WSCD1: variants seen among roughly 807,000 people sequenced by gnomAD.
WSCD1 encodes WSC domain sialate O sulfotransferase 1.
Under a neutral mutation model 60.4 loss-of-function variants are expected in WSCD1, and 41 were observed. That is an observed-to-expected ratio of 0.68 (90% CI 0.53 to 0.88). WSCD1 has a LOEUF of 0.88. Among genes scored for constraint, WSCD1 ranks in the 40% least tolerant of loss-of-function variants. WSCD1 has a pLI of 0.00. For synonymous variants in WSCD1, 361 were observed against 332.5 expected (o/e 1.09, Z -0.93); for missense variants, 784 against 796.2 (o/e 0.98, Z 0.18).
At chr17:6,093,694 G>A (rs893958394) in intron 4 of WSCD1, among the ~76,000 whole-genome samples, 2 of 152,196 alleles carry the variant, frequency 1.3e-5, no homozygotes, top group African/African-American at 4.8e-5. Context: ...ACACGGTGGT[G>A]GGGAGACATG....
chr17:6,090,330 C>T lies in WSCD1; in HGVS notation c.552C>T (p.Val184=), dbSNP rs1597357330. The change falls in exon 4 of 9, where the codon GTC becomes GTT. Residue 184 remains valine (V), a synonymous_variant. Coordinates refer to ENST00000317744, the MANE Select transcript of WSCD1 (RefSeq NM_015253.2). ...GGCCTCCTCCCTGCAGGTCCTATGT[C>T]TACGCCGGCTTGGAGGCCGGGGCGG... ...CQDACAERSY[V]YAGLEAGAEC... The T allele has an allele frequency of 1.9e-5, 31 of 1,601,950 alleles. No individual in the cohort carries two copies. The highest frequency in any genetic ancestry group is 2.6e-5 in the Non-Finnish European group (31 of 1,174,954).
intron 7 of WSCD1, among the ~76,000 whole-genome samples, chr17:6,115,372 A>T (rs896773555): frequency 2.0e-5 from 3 of 152,218 alleles, no homozygotes; most frequent in African/African-American, 7.2e-5. Context: ...AAAATGTAAT[A>T]AAAAATGTCC....
chr17:6,123,180 A>C lies in WSCD1; in HGVS notation c.*2519A>C, dbSNP rs2150576466. 6.6e-6 allele frequency: 1 copy of C among 152,348 alleles called. No homozygotes were observed. Among genetic ancestry groups the C allele is most frequent in the East Asian group, 1.9e-4 (1 of 5,172 alleles). The allele number at this position is 152,348 out of a possible 1,614,324, so 9.4% of individuals were successfully genotyped here. ...AAAGCTGATCTGTATGTAGGGCAGAAGTGTGGCAAATGCATCAGGAACCGG... is the reference window on the plus strand; with the variant it reads ...AAAGCTGATCTGTATGTAGGGCAGACGTGTGGCAAATGCATCAGGAACCGG... On this transcript the variant is annotated 3_prime_UTR_variant, in exon 9 of 9. Coordinates refer to ENST00000317744, the MANE Select transcript of WSCD1 (RefSeq NM_015253.2).
chr17:6,087,738 C>CTCCT, intron 2 of WSCD1, among the ~76,000 whole-genome samples: 1 of 152,334 alleles, frequency 6.6e-6, no homozygotes, highest in Non-Finnish European at 1.5e-5. Flanking sequence ...CGACGCCTGG[C>CTCCT]TCCTGGCAGA....
intron 6 of WSCD1, 35 bp downstream of exon 6, chr17:6,109,801 G>C (rs149134500): frequency 1.0e-4 from 161 of 1,597,192 alleles, no homozygotes; most frequent in Non-Finnish European, 1.2e-4. Flanking sequence ...AGTGGCATTT[G>C]GTCTGGGGGG....
intron 5 of WSCD1, among the ~76,000 whole-genome samples, chr17:6,103,055 G>A (rs556150738): frequency 2.0e-4 from 30 of 152,246 alleles, no homozygotes; most frequent in African/African-American, 6.3e-4. Flanking sequence ...CTTTAGAGTC[G>A]TGGTAACCTG....
chr17:6,120,389 CTGG>C lies in WSCD1; in HGVS notation c.1462_1464del (p.Val488del). The C allele has an allele frequency of 2.5e-6, 4 of 1,614,054 alleles. No homozygotes were observed. The highest frequency in any genetic ancestry group is 3.4e-6 in the Non-Finnish European group (4 of 1,180,014). ...CTGGCTCAAGTACGGGAAGCGGCTG[CTGG>C]TGGTGCACTACGAGGAGCTGCGGCG... On this transcript the variant is annotated inframe_deletion, in exon 9 of 9. Transcript: ENST00000317744.
chr17:6,118,336 AC>A lies in WSCD1; in HGVS notation c.1375+149del, dbSNP rs1904433539. 1.2e-6 allele frequency: 1 copy of A among 861,250 alleles called. No homozygotes were observed. 53.4% of individuals were successfully genotyped at this position (861,250 alleles called of 1,614,324 possible). A position where few individuals can be genotyped will look rare whatever the true frequency, so the allele number is the denominator to read the frequency against. On this transcript the variant is annotated intron_variant, in intron 8 of 8. Coordinates refer to ENST00000317744, the MANE Select transcript of WSCD1 (RefSeq NM_015253.2). This position sits in a 1 kb window ranked among gnomAD's most constrained non-coding sequence, Gnocchi z 5.8. ...GCACTCAAACCCCATCCTGCTAGGG[AC>A]TTAGTGCTGCTGTGCCTGGGCTTGA...
At chr17:6,071,746 G>A (rs2150523328) in intron 1 of WSCD1, among the ~76,000 whole-genome samples, 1 of 152,346 alleles carries the variant, frequency 6.6e-6, no homozygotes, top group South Asian at 2.1e-4. Flanking sequence ...GCCCTGCGCT[G>A]TTTGCAATCA....
chr17:6,109,792 G>A (rs747505131), intron 6 of WSCD1, 26 bp downstream of exon 6: 4 of 1,601,868 alleles, frequency 2.5e-6, no homozygotes, highest in Non-Finnish European at 3.4e-6. Flanking sequence ...CCGACTGGTA[G>A]TGGCATTTGG....
In WSCD1 at chr17:6,120,737, C is replaced by G; in HGVS notation, c.*76C>G. The G allele has an allele frequency of 1.4e-6, 2 of 1,480,544 alleles. No homozygotes were observed. Among genetic ancestry groups the G allele is most frequent in the Non-Finnish European group, 1.8e-6 (2 of 1,097,114 alleles). 91.7% of individuals were successfully genotyped at this position (1,480,544 alleles called of 1,614,324 possible). On this transcript the variant is annotated 3_prime_UTR_variant, in exon 9 of 9. Coordinates refer to ENST00000317744, the MANE Select transcript of WSCD1 (RefSeq NM_015253.2). ...GGGCTGCGCTCCCCACTCTGATGCT[C>G]AGGCCCGTGGCCTCACTGGGACGAA... is the stretch of plus-strand genomic sequence containing the variant.
In WSCD1 at chr17:6,075,498, TTGC is replaced by T. The variant is rs1282561724; in HGVS notation, c.-289+4851_-289+4853del. Among the ~76,000 whole-genome samples, 1 of 152,140 alleles carries T rather than the reference TTGC, an allele frequency of 6.6e-6. No individual in the cohort carries two copies. Among genetic ancestry groups the T allele is most frequent in the Admixed American group, 6.5e-5 (1 of 15,272 alleles). ...GCCACCCATCATTCAGGCTGGGCAG[TTGC>T]TGCTCCCTCGGTCCCAGATGGCAAC... On this transcript the variant is annotated intron_variant, in intron 1 of 8. Coordinates refer to ENST00000317744, the MANE Select transcript of WSCD1 (RefSeq NM_015253.2). This position sits in a 1 kb window ranked among gnomAD's most constrained non-coding sequence, Gnocchi z 4.1.
chr17:6,072,773 ATC>A (rs1417443398), intron 1 of WSCD1, among the ~76,000 whole-genome samples: 2 of 151,988 alleles, frequency 1.3e-5, no homozygotes, highest in Non-Finnish European at 2.9e-5. Flanking sequence ...TCTTCCTTTA[ATC>A]TCTCCTCATC....
At chr17:6,084,014 G>A (rs952007654) in intron 2 of WSCD1, among the ~76,000 whole-genome samples, 1 of 152,142 alleles carries the variant, frequency 6.6e-6, no homozygotes, top group Non-Finnish European at 1.5e-5. Context: ...GGTCTTATCA[G>A]TTGTTAAAAT....
rs1188255000 is a variant in WSCD1 at position 6,088,119 on chromosome 17, CCTGGA to C, written c.542+19_542+23del. 1.2e-6 allele frequency: 2 copies of C among 1,609,620 alleles called. No individual in the cohort carries two copies. Among genetic ancestry groups the C allele is most frequent in the East Asian group, 4.5e-5 (2 of 44,850 alleles). The stretch of plus-strand genomic sequence containing the variant: ...TGTGCTGAGCGGTGAGTGCTGGGGC[CCTGGA>C]CTGTTGATTCTAGAGGCAGGAAGGT... On this transcript the variant is annotated intron_variant, in intron 3 of 8. Transcript: ENST00000317744.
At chr17:6,104,795 T>C (rs1032795163) in intron 5 of WSCD1, among the ~76,000 whole-genome samples, 7 of 152,188 alleles carry the variant, frequency 4.6e-5, no homozygotes, top group African/African-American at 1.7e-4. Context: ...AGTTGAGCTG[T>C]GTTGATGTGG....
upstream of WSCD1, chr17:6,069,420 TGTGTGTGTGA>T (rs1467618584): frequency 2.3e-3 from 747 of 324,150 alleles, 5 homozygotes; most frequent in African/African-American, 0.018. Flanking sequence ...TGTGTGTGTG[TGTGTGTGTGA>T]GAGAGAGAGA....
intron 5 of WSCD1, among the ~76,000 whole-genome samples, chr17:6,108,285 G>T (rs1911214101): frequency 6.6e-6 from 1 of 152,050 alleles, no homozygotes; most frequent in South Asian, 2.1e-4. Flanking sequence ...TGAGATTTTT[G>T]CTGTGAGCAA....
chr17:6,080,397 G>A lies in WSCD1; in HGVS notation c.-262G>A, dbSNP rs1909152912. The A allele has an allele frequency of 9.8e-6, 5 of 509,992 alleles. No homozygotes were observed. Among genetic ancestry groups the A allele is most frequent in the Non-Finnish European group, 1.7e-5 (5 of 290,962 alleles). 31.6% of individuals were successfully genotyped at this position (509,992 alleles called of 1,614,324 possible). ...TTTCTGCGCCAGGAGATGAGGGGCG[G>A]TAGAGCCCTGGAATGGAGATGTCCT... On this transcript the variant is annotated 5_prime_UTR_variant, in exon 2 of 9. Coordinates refer to ENST00000317744, the MANE Select transcript of WSCD1 (RefSeq NM_015253.2). The surrounding 1 kb of genome is among the most constrained non-coding windows in gnomAD (Gnocchi z 6.6).
Sources: gnomAD v4.1 joint callset for allele counts (sites outside exome capture counted in the v4.1 genomes callset) on GRCh38, gnomAD v4.1.1 for gene constraint, Gnocchi (gnomAD v3.1) non-coding constraint, MANE v1.5 for transcripts, NCBI Gene and HGNC (gene_info 2026-07-23, HGNC 2026-07-21) for gene names.